SCN3A: variants seen among roughly 807,000 people sequenced by gnomAD.
The protein encoded by SCN3A is sodium channel protein type 3 subunit alpha.
A neutral mutation model predicts 187.6 loss-of-function variants in SCN3A; 60 were observed. The ratio of observed to expected loss-of-function variants is 0.32; its 90% CI spans 0.26 to 0.40. SCN3A has a LOEUF of 0.40. Among genes scored for constraint, SCN3A ranks in the 10% least tolerant of loss-of-function variants. SCN3A has a pLI of 1.00. For missense variants in SCN3A, 1,601 were observed against 2,428.2 expected, an observed-to-expected ratio of 0.66 and a Z score of 7.16; for synonymous variants, 788 against 829.2, an observed-to-expected ratio of 0.95 and a Z score of 0.85.
Position 165,088,740 on chromosome 2 carries a change from T to C in SCN3A, c.*1410A>G, listed in dbSNP as rs1022581649. On this transcript the variant is annotated 3_prime_UTR_variant, in exon 28 of 28. Transcript: ENST00000283254. Reference sequence around the variant, plus strand: ...GAAAATAATTTTCTTATGTACAAAATGCTGACAAATAAAGTTGATTATATT... The same window carrying C: ...GAAAATAATTTTCTTATGTACAAAACGCTGACAAATAAAGTTGATTATATT... 1.3e-5 allele frequency: 2 copies of C among 152,570 alleles called. No individual in the cohort carries two copies. The highest frequency in any genetic ancestry group is 4.8e-5 in the African/African-American group (2 of 41,470). The allele number at this position is 152,570 out of a possible 1,614,324, so 9.5% of individuals were successfully genotyped here.
At chr2:165,137,347 C>T (rs1410974781) in intron 15 of SCN3A, among the ~76,000 whole-genome samples, 2 of 152,252 alleles carry the variant, frequency 1.3e-5, no homozygotes, top group African/African-American at 4.8e-5. Context: ...CACATAGACA[C>T]AGATGAATGC....
intron 10 of SCN3A, among the ~76,000 whole-genome samples, chr2:165,155,016 C>T (rs1032468522): frequency 1.3e-5 from 2 of 152,174 alleles, no homozygotes; most frequent in African/African-American, 2.4e-5. Context: ...TGCAGCTATT[C>T]TCCATACCAT....
chr2:165,157,806 C>A (rs532731153), intron 9 of SCN3A, among the ~76,000 whole-genome samples: 5 of 152,300 alleles, frequency 3.3e-5, no homozygotes, highest in Admixed American at 6.5e-5. Context: ...TTTTGGATTA[C>A]AATTCAATGA....
intron 1 of SCN3A, among the ~76,000 whole-genome samples, chr2:165,200,721 C>T (rs977342088): frequency 6.6e-6 from 1 of 151,944 alleles, no homozygotes; most frequent in Non-Finnish European, 1.5e-5. Context: ...TTTAAAGAGG[C>T]CTAGGGTGGT....
chr2:165,188,451 T>C (rs149229074), intron 1 of SCN3A, among the ~76,000 whole-genome samples: 15 of 152,260 alleles, frequency 9.9e-5, no homozygotes, highest in African/African-American at 3.4e-4. Context: ...TTAACTATTA[T>C]ATAAAATTGG....
At chr2:165,142,218 C>A (rs763592097) in intron 12 of SCN3A, among the ~76,000 whole-genome samples, 36 of 152,138 alleles carry the variant, frequency 2.4e-4, no homozygotes, top group Non-Finnish European at 5.9e-5. Context: ...TCTTCTCTTT[C>A]TTCTAAGCTT....
In SCN3A at chr2:165,148,287, T is replaced by TGCTACA. The variant is rs560614387; in HGVS notation, c.1381-1264_1381-1259dup. Reference sequence around the variant, plus strand: ...AACTTTATAGAACTTATATTTAACTTGCTACAGATAGCAAGTTGACTTTTC... The same window carrying TGCTACA: ...AACTTTATAGAACTTATATTTAACTTGCTACAGCTACAGATAGCAAGTTGACTTTTC... On this transcript the variant is annotated intron_variant, in intron 11 of 27. Transcript: ENST00000283254. Among the ~76,000 whole-genome samples the TGCTACA allele has an allele frequency of 1.6e-4, 25 of 152,232 alleles. No homozygotes were observed. The South Asian group carries it at 5.2e-3, about 32-fold the overall frequency.
At chr2:165,137,546 G>T (rs920980634) in intron 15 of SCN3A, among the ~76,000 whole-genome samples, 2 of 152,036 alleles carry the variant, frequency 1.3e-5, no homozygotes, top group African/African-American at 4.8e-5. Flanking sequence ...GGCTGTGTGG[G>T]TTAAAACCAC....
Position 165,127,657 on chromosome 2 carries a change from C to G in SCN3A, c.3367G>C (p.Glu1123Gln). 6.2e-7 allele frequency: 1 copy of G among 1,614,058 alleles called. No individual in the cohort carries two copies. The highest frequency in any genetic ancestry group is 8.5e-7 in the Non-Finnish European group (1 of 1,179,944). Reference sequence around the variant, plus strand: ...TCTTTGCTTTCTTCTAGTTCTGACTCACTGCTGAACTCTTCAGTATTTAAG... The same window carrying G: ...TCTTTGCTTTCTTCTAGTTCTGACTGACTGCTGAACTCTTCAGTATTTAAG... ...ENLNTEEFSS[E>Q]SELEESKEKL... The change falls in exon 18 of 28, where the codon GAG (glutamate) becomes CAG (glutamine). Residue 1123 changes from glutamate (E) to glutamine (Q), a missense_variant. Glu to Gln is a conservative substitution (Grantham distance 29, BLOSUM62 2). Transcript: ENST00000283254.
chr2:165,163,616 A>G lies in SCN3A; in HGVS notation c.694+2T>C. On this transcript the variant is annotated splice_donor_variant, in intron 7 of 27. Coordinates refer to ENST00000283254, the MANE Select transcript of SCN3A (RefSeq NM_006922.4). LOFTEE classifies it high-confidence loss of function. ...AACCTCGGTGTTTAACCTAGCTCTC[A>G]CCTGGAATGACTGAAATTGTTTTCA... 1.2e-6 allele frequency: 2 copies of G among 1,613,984 alleles called. No individual in the cohort carries two copies. The highest frequency in any genetic ancestry group is 2.2e-5 in the South Asian group (2 of 91,074).
At chr2:165,167,013 T>A (rs1689808871) in intron 5 of SCN3A, among the ~76,000 whole-genome samples, 2 of 151,970 alleles carry the variant, frequency 1.3e-5, no homozygotes, top group African/African-American at 2.4e-5. Context: ...GATTCTCTTG[T>A]CTCAGCCTCC....
chr2:165,184,252 A>G (rs73969304), intron 2 of SCN3A, among the ~76,000 whole-genome samples: 1,921 of 152,248 alleles, frequency 0.013, 42 homozygotes, highest in African/African-American at 0.044. Context: ...TAGTTTTGAA[A>G]TAACACCTTA....
rs1332697664 is a variant in SCN3A at position 165,095,451 on chromosome 2, T to C, written c.4431+60A>G. Reference sequence around the variant, plus strand: ...CATGACCACAGGTATTCTGGTTATTTGGCTGTATTAACAGACAGAACCCCA... The same window carrying C: ...CATGACCACAGGTATTCTGGTTATTCGGCTGTATTAACAGACAGAACCCCA... On this transcript the variant is annotated intron_variant, in intron 25 of 27. Transcript: ENST00000283254. 3.3e-6 allele frequency: 5 copies of C among 1,501,586 alleles called. No homozygotes were observed. The East Asian group carries it at 1.1e-4, about 34-fold the overall frequency. 93.0% of individuals were successfully genotyped at this position (1,501,586 alleles called of 1,614,324 possible). A position where few individuals can be genotyped will look rare whatever the true frequency, so the allele number is the denominator to read the frequency against.
At chr2:165,154,705 C>G in intron 10 of SCN3A, 47 bp from the exon 11 acceptor site, 2 of 1,521,908 alleles carry the variant, frequency 1.3e-6, no homozygotes, top group Non-Finnish European at 1.8e-6. Flanking sequence ...GTATAATGTC[C>G]CCAAATAAAT....
chr2:165,096,939 C>T (rs1002459202), intron 23 of SCN3A, among the ~76,000 whole-genome samples: 10 of 151,796 alleles, frequency 6.6e-5, no homozygotes, highest in African/African-American at 1.7e-4. Flanking sequence ...TATTTTAGTA[C>T]CTAAAGTTGC....
chr2:165,104,389 A>G (rs2105676114), intron 21 of SCN3A, among the ~76,000 whole-genome samples: 1 of 152,116 alleles, frequency 6.6e-6, no homozygotes, highest in East Asian at 1.9e-4. Context: ...GAGAAATAGA[A>G]CAACTGATTA....
intron 12 of SCN3A, 30 bp downstream of exon 12, chr2:165,146,709 G>A: frequency 1.2e-6 from 2 of 1,613,296 alleles, no homozygotes; most frequent in Non-Finnish European, 1.7e-6. Flanking sequence ...CAATGACAAA[G>A]AAACCAGAGC....
intron 6 of SCN3A, among the ~76,000 whole-genome samples, chr2:165,164,055 G>A (rs183326457): frequency 3.4e-4 from 52 of 152,180 alleles, no homozygotes; most frequent in African/African-American, 1.2e-3. Context: ...AAACAAAATC[G>A]TGTTGCTTTA....
At position 165,162,815 on chromosome 2, in the gene SCN3A, A is replaced by G. The variant is rs375371503; in HGVS notation, c.708T>C (p.Ile236=). The change falls in exon 8 of 28, where the codon ATT becomes ATC. Residue 236 remains isoleucine, a synonymous_variant. Coordinates refer to ENST00000283254, the MANE Select transcript of SCN3A (RefSeq NM_006922.4). The part of the protein sequence containing the change: ...TISVIPGLKT[I]VGALIQSVKK... Reference sequence around the variant, plus strand: ...TTACCGACTGGATCAGGGCCCCCACAATGGTCTTTAAACCTGCAGAGAGAG... The same window carrying G: ...TTACCGACTGGATCAGGGCCCCCACGATGGTCTTTAAACCTGCAGAGAGAG... 1 of 1,614,062 alleles carries G rather than the reference A, an allele frequency of 6.2e-7. No individual in the cohort carries two copies. The highest frequency in any genetic ancestry group is 8.5e-7 in the Non-Finnish European group (1 of 1,179,956).
Sources: allele counts gnomAD v4.1 joint callset (sites outside exome capture counted in the v4.1 genomes callset), GRCh38; gene constraint gnomAD v4.1.1; transcripts MANE v1.5; gene names NCBI Gene and HGNC (gene_info 2026-07-23, HGNC 2026-07-21).